Variants in LMTK2 observed in about 807,000 individuals in gnomAD.
LMTK2 encodes lemur tail kinase 2, also known as serine/threonine-protein kinase LMTK2.
LMTK2 carries 37 observed loss-of-function variants against 127.5 expected under a neutral mutation model. That is an observed-to-expected ratio of 0.29 (90% CI 0.22 to 0.38). The LOEUF (loss-of-function observed/expected upper bound fraction) is 0.38. Among genes scored for constraint, LMTK2 ranks in the 10% least tolerant of loss-of-function variants. The pLI is 1.00. For missense variants in LMTK2, 1,694 were observed against 1,920.3 expected, an observed-to-expected ratio of 0.88 and a Z score of 2.20; for synonymous variants, 819 against 810.1, an observed-to-expected ratio of 1.01 and a Z score of -0.19.
At chr7:98,132,673 T>C (rs1182588922) in intron 1 of LMTK2, among the ~76,000 whole-genome samples, 1 of 152,188 alleles carries the variant, frequency 6.6e-6, no homozygotes, top group Non-Finnish European at 1.5e-5. Flanking sequence ...TATAAAAGCA[T>C]ATCCACTAGT....
intron 9 of LMTK2, among the ~76,000 whole-genome samples, chr7:98,188,952 G>A (rs924168002): frequency 3.3e-5 from 5 of 152,044 alleles, no homozygotes; most frequent in African/African-American, 9.7e-5. Flanking sequence ...GTGTGTATTT[G>A]TTTGCACTGT....
intron 7 of LMTK2, among the ~76,000 whole-genome samples, chr7:98,180,426 G>A (rs889187964): frequency 5.9e-5 from 9 of 152,106 alleles, no homozygotes; most frequent in African/African-American, 2.2e-4. Flanking sequence ...ACCAGTTGGT[G>A]ATTATAAAGA....
intron 7 of LMTK2, among the ~76,000 whole-genome samples, chr7:98,179,844 T>C (rs960106347): frequency 1.3e-5 from 2 of 152,158 alleles, no homozygotes; most frequent in Non-Finnish European, 2.9e-5. Flanking sequence ...GGTAGCTAAC[T>C]GGAATCCACA....
At chr7:98,126,223 G>A (rs893808603) in intron 1 of LMTK2, among the ~76,000 whole-genome samples, 2 of 152,292 alleles carry the variant, frequency 1.3e-5, no homozygotes, top group East Asian at 1.9e-4. Flanking sequence ...TTGGATTGAC[G>A]AAGTGTTGTG....
At chr7:98,110,802 T>G in intron 1 of LMTK2, among the ~76,000 whole-genome samples, 1 of 152,172 alleles carries the variant, frequency 6.6e-6, no homozygotes, top group East Asian at 1.9e-4. Context: ...TTTTAGCAGC[T>G]CCAGATAAAG....
chr7:98,173,623 A>G (rs909403797), intron 7 of LMTK2, among the ~76,000 whole-genome samples: 40 of 152,376 alleles, frequency 2.6e-4, no homozygotes, highest in African/African-American at 9.6e-4. Context: ...TGGCAAAGAT[A>G]TCAGAGTAAA....
intron 3 of LMTK2, among the ~76,000 whole-genome samples, chr7:98,146,626 A>T (rs1165622875): frequency 6.6e-6 from 1 of 152,258 alleles, no homozygotes; most frequent in Non-Finnish European, 1.5e-5. Flanking sequence ...TAGCTTCAAC[A>T]GCACACAAAC....
chr7:98,128,530 G>A (rs1305508793), intron 1 of LMTK2, among the ~76,000 whole-genome samples: 2 of 152,208 alleles, frequency 1.3e-5, no homozygotes, highest in African/African-American at 4.8e-5. Context: ...TTTTGTTTTA[G>A]CAGCCCTAGC....
Position 98,120,100 on chromosome 7 carries a change from C to T in LMTK2, c.103+12820C>T, listed in dbSNP as rs1222100244. 5.9e-5 allele frequency among the ~76,000 whole-genome samples: 9 copies of T among 152,236 alleles called. No homozygotes were observed. In the South Asian group the frequency reaches 1.5e-3, roughly 25 times the overall value. On this transcript the variant is annotated intron_variant, in intron 1 of 13. Coordinates refer to ENST00000297293, the MANE Select transcript of LMTK2 (RefSeq NM_014916.4). The stretch of plus-strand genomic sequence containing the variant: ...TTATAATGATTGTATAATCATCAGT[C>T]GGGTTTGATGAAGAACACCATAGGC...
intron 1 of LMTK2, among the ~76,000 whole-genome samples, chr7:98,114,628 G>C (rs1796250525): frequency 6.6e-6 from 1 of 152,130 alleles, no homozygotes; most frequent in South Asian, 2.1e-4. Flanking sequence ...AGTAGCCCCT[G>C]TCTCCCTGCA....
chr7:98,154,936 G>T (rs1796906659), intron 5 of LMTK2, 60 bp downstream of exon 5: 1 of 945,098 alleles, frequency 1.1e-6, no homozygotes, highest in East Asian at 2.4e-5. Context: ...AAGGTCAGGT[G>T]TTTAAAACTA....
intron 1 of LMTK2, among the ~76,000 whole-genome samples, chr7:98,118,968 T>G (rs1584244247): frequency 1.3e-5 from 2 of 152,068 alleles, no homozygotes; most frequent in Admixed American, 1.3e-4. Flanking sequence ...GGCGGGTGCC[T>G]GTAGTCCCAG....
At chr7:98,144,270 A>G (rs1289825351) in intron 3 of LMTK2, among the ~76,000 whole-genome samples, 1 of 151,956 alleles carries the variant, frequency 6.6e-6, no homozygotes, top group Non-Finnish European at 1.5e-5. Flanking sequence ...CTCTACTAAA[A>G]ATACAAAAAA....
Position 98,194,102 on chromosome 7 carries a change from G to A in LMTK2, c.3637G>A (p.Asp1213Asn), listed in dbSNP as rs201594580. 214 of 1,614,078 alleles carry A rather than the reference G, an allele frequency of 1.3e-4. No individual in the cohort carries two copies. In the African/African-American group the frequency reaches 1.5e-3, roughly 11 times the overall value. The change falls in exon 11 of 14, where the codon GAT becomes AAT. Residue 1213 changes from aspartate to asparagine, a missense_variant. Around this residue, in one of 8 missense-constraint regions of LMTK2, gnomAD observed 554 missense variants for 567.7 expected, o/e 0.98. Coordinates refer to ENST00000297293, the MANE Select transcript of LMTK2 (RefSeq NM_014916.4). The surrounding 1 kb of genome is among the most constrained non-coding windows in gnomAD (Gnocchi z 5.4). ...GCTGAATGCAGAACTTAGCAGCGGC[G>A]ATGACTTCGAGACACAGGACGATCG... ...SVLNAELSSG[D>N]DFETQDDRPC...
chr7:98,203,036 A>G (rs1797726539), intron 11 of LMTK2, among the ~76,000 whole-genome samples: 1 of 152,202 alleles, frequency 6.6e-6, no homozygotes, highest in South Asian at 2.1e-4. Context: ...AGGAGGCTTC[A>G]TGGCCCTCAG....
chr7:98,184,151 A>G (rs1797395059), intron 7 of LMTK2, among the ~76,000 whole-genome samples: 2 of 152,116 alleles, frequency 1.3e-5, no homozygotes, highest in South Asian at 4.1e-4. Flanking sequence ...GGTTTTGTAC[A>G]TTGTTATGGT....
At chr7:98,140,188 C>G (rs58310428) in intron 2 of LMTK2, among the ~76,000 whole-genome samples, 1,277 of 5,174 alleles carry the variant, frequency 0.25, 344 homozygotes, top group Admixed American at 0.29. Context: ...TTTCTTTCTT[C>G]TTTCTGTCTT....
intron 2 of LMTK2, among the ~76,000 whole-genome samples, chr7:98,141,069 CAAAAA>C (rs112518899): frequency 1.9e-5 from 2 of 104,484 alleles, no homozygotes; most frequent in Non-Finnish European, 1.8e-5. Flanking sequence ...AACCTTGTCT[CAAAAA>C]AAAAAAAAAA....
chr7:98,150,164 C>T lies in LMTK2; in HGVS notation c.377-1218C>T, dbSNP rs531812652. ...CTCTACTAAAAATACAAAAAGTAGT[C>T]GGGCGTGGTAGCAGGTGCCTGTAGT... On this transcript the variant is annotated intron_variant, in intron 3 of 13. Coordinates refer to ENST00000297293, the MANE Select transcript of LMTK2 (RefSeq NM_014916.4). Among the ~76,000 whole-genome samples, 17 of 151,990 alleles carry T rather than the reference C, an allele frequency of 1.1e-4. No homozygotes were observed. The South Asian group carries it at 2.1e-3, about 19-fold the overall frequency.
Sources: allele counts gnomAD v4.1 joint callset (sites outside exome capture counted in the v4.1 genomes callset), GRCh38; gene constraint gnomAD v4.1.1; regional missense constraint gnomAD v4.1.1; non-coding constraint Gnocchi (gnomAD v3.1); transcripts MANE v1.5; gene names NCBI Gene and HGNC (gene_info 2026-07-23, HGNC 2026-07-21).